Variants in ROR2 observed in about 807,000 individuals in gnomAD.
ROR2 encodes the protein ROR family WNT receptor 2.
In ROR2, 33 loss-of-function variants were observed where a neutral mutation model predicts 74.9. The observed-to-expected ratio is 0.44, with a 90% CI of 0.33 to 0.59. The LOEUF is 0.59. Among genes scored for constraint, ROR2 ranks in the 20% least tolerant of loss-of-function variants. The probability of loss-of-function intolerance (pLI) is 0.02; values close to 1 mark genes in which losing one functional copy is unlikely to be tolerated. For synonymous variants in ROR2, 586 were observed against 558.7 expected (o/e 1.05, Z -0.69); for missense variants, 1,216 against 1,313.8 (o/e 0.93, Z 1.15).
intron 1 of ROR2, among the ~76,000 whole-genome samples, chr9:91,940,946 C>A (rs1197250288): frequency 6.6e-6 from 1 of 150,520 alleles, no homozygotes; most frequent in Non-Finnish European, 1.5e-5. Flanking sequence ...CTCCATTGTT[C>A]ATTGCACTGG....
At chr9:91,884,475 T>TAAA (rs34401137) in intron 1 of ROR2, among the ~76,000 whole-genome samples, 6 of 137,842 alleles carry the variant, frequency 4.4e-5, no homozygotes, top group African/African-American at 1.1e-4. Context: ...TGATTACCTT[T>TAAA]AAAAAAAAAA....
chr9:91,945,196 A>C (rs1302187650), intron 1 of ROR2, among the ~76,000 whole-genome samples: 1 of 152,216 alleles, frequency 6.6e-6, no homozygotes. Flanking sequence ...ACCTGAAATG[A>C]AGCCAGTGAA....
intron 1 of ROR2, among the ~76,000 whole-genome samples, chr9:91,791,201 T>C (rs1022811807): frequency 4.6e-5 from 7 of 152,170 alleles, no homozygotes; most frequent in Non-Finnish European, 1.0e-4. Flanking sequence ...GATGGTGCAT[T>C]GAAATCTTTT....
At chr9:91,843,811 G>A (rs928768527) in intron 1 of ROR2, among the ~76,000 whole-genome samples, 26 of 152,246 alleles carry the variant, frequency 1.7e-4, no homozygotes, top group Admixed American at 1.2e-3. Context: ...TTCTCATTGA[G>A]GAATGAGTGA....
intron 1 of ROR2, among the ~76,000 whole-genome samples, chr9:91,856,606 C>G (rs913603248): frequency 2.6e-4 from 39 of 152,306 alleles, no homozygotes; most frequent in Non-Finnish European, 1.3e-4. Context: ...GGACAGCCAA[C>G]TGCAAGCCAA....
chr9:91,767,583 G>C (rs963158613), intron 2 of ROR2, among the ~76,000 whole-genome samples: 1 of 152,244 alleles, frequency 6.6e-6, no homozygotes, highest in African/African-American at 2.4e-5. Flanking sequence ...TGGAAATCCT[G>C]AGAGCTGCAG....
intron 1 of ROR2, among the ~76,000 whole-genome samples, chr9:91,932,235 A>AT (rs908439986): frequency 6.6e-6 from 1 of 152,140 alleles, no homozygotes; most frequent in Non-Finnish European, 1.5e-5. Flanking sequence ...AAACAGCATA[A>AT]TTTTTTAAAA....
intron 1 of ROR2, among the ~76,000 whole-genome samples, chr9:91,831,176 G>C (rs958935323): frequency 6.6e-6 from 1 of 151,368 alleles, no homozygotes; most frequent in Non-Finnish European, 1.5e-5. Flanking sequence ...CAGGCGAATT[G>C]CTTGAACCAG....
chr9:91,905,193 TAC>T lies in ROR2; in HGVS notation c.97+44672_97+44673del, dbSNP rs934997590. Among the ~76,000 whole-genome samples, 3 of 147,186 alleles carry T rather than the reference TAC, an allele frequency of 2.0e-5. No individual in the cohort carries two copies. Among genetic ancestry groups the T allele is most frequent in the Admixed American group, 1.3e-4 (2 of 14,868 alleles). ...CACAACACATACCATACACAACACA[TAC>T]ACAAACACCACATATACACCAAACA... On this transcript the variant is annotated intron_variant, in intron 1 of 8. Transcript: ENST00000375708. The surrounding 1 kb of genome is among the most constrained non-coding windows in gnomAD (Gnocchi z 5.3).
rs778811682 is a variant in ROR2, at chr9:91,723,769, C to T, written c.2725G>A (p.Val909Met). ...NAPEDGAQSTVQEAEEEEEGS... is the reference protein window; with the variant it reads ...NAPEDGAQSTMQEAEEEEEGS... The stretch of plus-strand genomic sequence containing the variant: ...TCCTCCTCCTCCTCTGCTTCCTGCA[C>T]GGTGCTCTGGGCCCCATCTTCTGGG... Residue 909 changes from valine to methionine, a missense_variant, in exon 9 of 9, where the codon GTG (valine) becomes ATG (methionine). Val to Met is a conservative substitution (Grantham distance 21). Coordinates refer to ENST00000375708, the MANE Select transcript of ROR2 (RefSeq NM_004560.4). The T allele has an allele frequency of 8.1e-6, 13 of 1,613,792 alleles. No homozygotes were observed. Among genetic ancestry groups the T allele is most frequent in the Middle Eastern group, 1.6e-4 (1 of 6,062 alleles).
chr9:91,858,048 C>T (rs1468923393), intron 1 of ROR2, among the ~76,000 whole-genome samples: 2 of 152,162 alleles, frequency 1.3e-5, no homozygotes, highest in Non-Finnish European at 2.9e-5. Flanking sequence ...ACCCAGAATC[C>T]GGTCCTAATC....
At chr9:91,920,640 T>TG (rs1422506845) in intron 1 of ROR2, among the ~76,000 whole-genome samples, 2 of 152,248 alleles carry the variant, frequency 1.3e-5, no homozygotes, top group Non-Finnish European at 2.9e-5. Flanking sequence ...ACACCTGGTC[T>TG]GTCTCAGGTG....
Position 91,870,392 on chromosome 9 carries a change from T to C in ROR2, c.97+79475A>G, listed in dbSNP as rs567664166. Among the ~76,000 whole-genome samples the C allele has an allele frequency of 3.9e-5, 6 of 152,314 alleles. No individual in the cohort carries two copies. The South Asian group carries it at 1.2e-3, about 32-fold the overall frequency. Reference sequence around the variant, plus strand: ...GTACACACCGGGATCAGGGAACCAGTTGGCTGGGCAAGGATAGCCAGACCG... The same window carrying C: ...GTACACACCGGGATCAGGGAACCAGCTGGCTGGGCAAGGATAGCCAGACCG... On this transcript the variant is annotated intron_variant, in intron 1 of 8. Coordinates refer to ENST00000375708, the MANE Select transcript of ROR2 (RefSeq NM_004560.4).
intron 1 of ROR2, among the ~76,000 whole-genome samples, chr9:91,931,478 A>G (rs1450134203): frequency 6.6e-6 from 1 of 152,212 alleles, no homozygotes; most frequent in Non-Finnish European, 1.5e-5. Context: ...GATACCTTCA[A>G]CTTTTCTCTC....
At chr9:91,767,236 A>G (rs1158776389) in intron 2 of ROR2, among the ~76,000 whole-genome samples, 4 of 152,006 alleles carry the variant, frequency 2.6e-5, no homozygotes, top group African/African-American at 9.7e-5. Context: ...CACCACGCCC[A>G]GCTAATTTTT....
intron 4 of ROR2, among the ~76,000 whole-genome samples, chr9:91,746,353 A>AG (rs1220172231): frequency 1.3e-5 from 2 of 152,240 alleles, no homozygotes; most frequent in Non-Finnish European, 2.9e-5. Context: ...CTGGGATTAC[A>AG]GGCCTGAGCC....
At chr9:91,835,907 A>T (rs1430679382) in intron 1 of ROR2, among the ~76,000 whole-genome samples, 4 of 152,170 alleles carry the variant, frequency 2.6e-5, no homozygotes, top group Non-Finnish European at 5.9e-5. Context: ...GTAATTGCTT[A>T]ATTTCTGGGC....
rs193224601 is a variant in ROR2, at chr9:91,741,225, G to A, written c.495-3707C>T. On this transcript the variant is annotated intron_variant, in intron 4 of 8. Transcript: ENST00000375708. ...TGAGGCAGGGGAATCGCTTGAACCCGGGAGGCAGAGGTTGCAGTGAGCAGA... is the reference window on the plus strand; with the variant it reads ...TGAGGCAGGGGAATCGCTTGAACCCAGGAGGCAGAGGTTGCAGTGAGCAGA... Among the ~76,000 whole-genome samples the A allele has an allele frequency of 9.8e-4, 149 of 151,744 alleles. 1 individual carries two copies. The highest frequency in any genetic ancestry group is 7.2e-3 in the Admixed American group (110 of 15,250).
At chr9:91,790,384 C>T (rs1826932590) in intron 1 of ROR2, among the ~76,000 whole-genome samples, 1 of 151,684 alleles carries the variant, frequency 6.6e-6, no homozygotes, top group African/African-American at 2.4e-5. Context: ...GTGGCGAAAG[C>T]CTGTAATCCC....
Sources: allele counts gnomAD v4.1 joint callset (sites outside exome capture counted in the v4.1 genomes callset), GRCh38; gene constraint gnomAD v4.1.1; non-coding constraint Gnocchi (gnomAD v3.1); transcripts MANE v1.5; gene names NCBI Gene and HGNC (gene_info 2026-07-23, HGNC 2026-07-21).